Variants in COL18A1 observed in about 807,000 individuals in gnomAD.
COL18A1 encodes collagen alpha-1(XVIII) chain.
COL18A1 carries 133 observed loss-of-function variants against 168.0 expected under a neutral mutation model. The ratio of observed to expected loss-of-function variants is 0.79; its 90% confidence interval spans 0.69 to 0.91. The LOEUF (loss-of-function observed/expected upper bound fraction) is 0.91. COL18A1 is among the 40% of genes least tolerant of loss of function. The pLI is 0.00. For synonymous variants in COL18A1, 949 were observed against 809.0 expected (o/e 1.17, Z -2.94); for missense variants, 2,126 against 1,925.4 (o/e 1.10, Z -1.95).
chr21:45,510,998 ACACACCCCCCCCCCACACATC>A, intron 40 of COL18A1, 92 bp from the exon 41 acceptor site: 2 of 20,164 alleles, frequency 9.9e-5, no homozygotes, highest in Non-Finnish European at 2.1e-4. Context: ...CACACACACA[ACACACCCCCCCCCCACACATC>A]CACACCCCAC....
rs755035905 is a variant in COL18A1, at chr21:45,512,173, C to T, written c.3810-15C>T. 20 of 1,606,976 alleles carry T rather than the reference C, an allele frequency of 1.2e-5. No individual in the cohort carries two copies. Among genetic ancestry groups the T allele is most frequent in the East Asian group, 6.7e-5 (3 of 44,446 alleles). ...GCAGGTCTGGGTTTGACTGACGGCC[C>T]GGCGCGTCTTACAGGCCCCAGAAGA... is the stretch of plus-strand genomic sequence containing the variant. On this transcript the variant is annotated splice_polypyrimidine_tract_variant and intron_variant, in intron 41 of 41. Transcript: ENST00000651438.
At chr21:45,476,588 G>A in intron 6 of COL18A1, 108 bp downstream of exon 6, 2 of 1,371,580 alleles carry the variant, frequency 1.5e-6, no homozygotes, top group Non-Finnish European at 2.0e-6. Flanking sequence ...TGTGTGTAGT[G>A]TGTGGTGTAT....
chr21:45,497,909 G>A (rs887026214), intron 32 of COL18A1: 37 of 610,702 alleles, frequency 6.1e-5, no homozygotes, highest in African/African-American at 3.5e-4. Flanking sequence ...GGAGCAGATG[G>A]CTGCCCTTCC....
chr21:45,493,008 G>T (rs1453951340), intron 24 of COL18A1, among the ~76,000 whole-genome samples, 155 bp from the exon 25 acceptor site: 1 of 152,038 alleles, frequency 6.6e-6, no homozygotes, highest in Non-Finnish European at 1.5e-5. Flanking sequence ...GCGGAGGCCT[G>T]CAGTGTCCAG....
At chr21:45,508,290 A>G (rs1237805858) in intron 38 of COL18A1, among the ~76,000 whole-genome samples, 3 of 113,736 alleles carry the variant, frequency 2.6e-5, no homozygotes, top group African/African-American at 1.1e-4. Flanking sequence ...GTAGATGGGG[A>G]GGTGGATGGG....
At chr21:45,434,418 G>A (rs913591542) in intron 2 of COL18A1, among the ~76,000 whole-genome samples, 2 of 152,196 alleles carry the variant, frequency 1.3e-5, no homozygotes, top group Admixed American at 6.5e-5. Flanking sequence ...CCAGGTGAGA[G>A]AGTCTGTGCA....
At position 45,480,035 on chromosome 21, in the gene COL18A1, G is replaced by A. The variant is rs780556790; in HGVS notation, c.1312-35G>A. The stretch of plus-strand genomic sequence containing the variant: ...GGCTCAAGGTGGGGGCTGTGTGCGT[G>A]CCCAGGGTATGATAGGCTTGTCTTG... On this transcript the variant is annotated intron_variant, in intron 10 of 41. Coordinates refer to ENST00000651438, the MANE Select transcript of COL18A1 (RefSeq NM_001379500.1). 8 of 1,611,148 alleles carry A rather than the reference G, an allele frequency of 5.0e-6. No individual in the cohort carries two copies. In the East Asian group the frequency reaches 1.6e-4, roughly 31 times the overall value.
chr21:45,422,353 G>A (rs2033652313), intron 2 of COL18A1: 3 of 430,698 alleles, frequency 7.0e-6, no homozygotes, highest in South Asian at 3.6e-5. Flanking sequence ...CCTGGGCTTG[G>A]TGGGCAGGCA....
At position 45,503,811 on chromosome 21, in the gene COL18A1, AAAAT is replaced by A. The variant is rs553660816; in HGVS notation, c.2684-196_2684-193del. 8.4e-4 allele frequency: 297 copies of A among 351,850 alleles called. 1 individual carries two copies. Among genetic ancestry groups the A allele is most frequent in the African/African-American group, 5.7e-3 (268 of 46,644 alleles). 21.8% of individuals were successfully genotyped at this position (351,850 alleles called of 1,614,324 possible). ...TAATAAATTTAAAAAATTTAAAAAT[AAAAT>A]AAAAATAAAAAGGCACCATTAACAA... is the stretch of plus-strand genomic sequence containing the variant. On this transcript the variant is annotated intron_variant, in intron 32 of 41. Coordinates refer to ENST00000651438, the MANE Select transcript of COL18A1 (RefSeq NM_001379500.1).
chr21:45,428,630 G>A (rs150820186), intron 2 of COL18A1, among the ~76,000 whole-genome samples: 3 of 152,270 alleles, frequency 2.0e-5, no homozygotes, highest in African/African-American at 7.2e-5. Flanking sequence ...CGCAGCCACC[G>A]CCCGGCCCCA....
rs1352397245 is a variant in COL18A1, at chr21:45,498,774, G to A, written c.2683+1113G>A. ...GGCCAGTGACACACCAGACCAGGAGGCCCAGCTCATGGGGTCATCGGACCC... is the reference window on the plus strand; with the variant it reads ...GGCCAGTGACACACCAGACCAGGAGACCCAGCTCATGGGGTCATCGGACCC... On this transcript the variant is annotated intron_variant, in intron 32 of 41. Coordinates refer to ENST00000651438, the MANE Select transcript of COL18A1 (RefSeq NM_001379500.1). The surrounding 1 kb of genome is among the most constrained non-coding windows in gnomAD (Gnocchi z 4.5). Among the ~76,000 whole-genome samples the A allele has an allele frequency of 2.0e-5, 3 of 152,222 alleles. No individual in the cohort carries two copies. The highest frequency in any genetic ancestry group is 4.4e-5 in the Non-Finnish European group (3 of 68,052).
chr21:45,454,520 CGT>C (rs1569297903), intron 2 of COL18A1, among the ~76,000 whole-genome samples: 1 of 152,156 alleles, frequency 6.6e-6, no homozygotes, highest in Non-Finnish European at 1.5e-5. Flanking sequence ...CATGTGTGAA[CGT>C]GTGTGTGAGT....
chr21:45,418,872 C>T (rs1046632502), intron 2 of COL18A1, among the ~76,000 whole-genome samples: 1 of 152,226 alleles, frequency 6.6e-6, no homozygotes, highest in Non-Finnish European at 1.5e-5. Context: ...TCTAGAGGGG[C>T]TTGTGTCATG....
In COL18A1 at chr21:45,473,998, G is replaced by A; in HGVS notation, c.738+17G>A. The A allele has an allele frequency of 6.4e-7, 1 of 1,565,912 alleles. No homozygotes were observed. Among genetic ancestry groups the A allele is most frequent in the Non-Finnish European group, 8.7e-7 (1 of 1,152,780 alleles). On this transcript the variant is annotated intron_variant, in intron 4 of 41. Transcript: ENST00000651438. The surrounding 1 kb of genome is among the most constrained non-coding windows in gnomAD (Gnocchi z 4.0). Reference sequence around the variant, plus strand: ...TCAGATGGGGTGAGTGACATCTGGGGCACGGGTGGGGTCTCCCCTCAATCC... The same window carrying A: ...TCAGATGGGGTGAGTGACATCTGGGACACGGGTGGGGTCTCCCCTCAATCC...
At chr21:45,415,687 T>C (rs1318208141) in intron 2 of COL18A1, among the ~76,000 whole-genome samples, 1 of 152,184 alleles carries the variant, frequency 6.6e-6, no homozygotes, top group African/African-American at 2.4e-5. Context: ...GGTTCACGCC[T>C]TGCCTGGCCT....
At chr21:45,482,161 C>T in intron 14 of COL18A1, 136 bp downstream of exon 14, 2 of 710,608 alleles carry the variant, frequency 2.8e-6, no homozygotes, top group South Asian at 1.6e-5. Context: ...AGCCTGGGGC[C>T]TCGCGCTCTG....
chr21:45,436,667 G>C (rs1189115872), intron 2 of COL18A1, among the ~76,000 whole-genome samples: 6 of 151,236 alleles, frequency 4.0e-5, no homozygotes, highest in Non-Finnish European at 7.4e-5. Flanking sequence ...GAGGCTGGGG[G>C]AGGGGGTCTG....
In COL18A1 at chr21:45,490,850, C is replaced by T. The variant is rs2036312514; in HGVS notation, c.2046C>T (p.Asp682=). The T allele has an allele frequency of 6.5e-7, 1 of 1,550,112 alleles. No individual in the cohort carries two copies. Among genetic ancestry groups the T allele is most frequent in the Non-Finnish European group, 8.7e-7 (1 of 1,146,830 alleles). ...GIAGPQGPKG[D]RGSRGEKGDP... ...TGTCTCTCCAGGGGCCAAAGGGAGA[C>T]AGAGGCAGCCGGGGAGAAAAGGTGA... Residue 682 remains aspartate (D), a synonymous_variant, in exon 21 of 42, where the codon GAC becomes GAT. Transcript: ENST00000651438.
At chr21:45,504,345 G>A (rs547167705) in intron 33 of COL18A1, 71 bp from the exon 34 acceptor site, 235 of 1,501,636 alleles carry the variant, frequency 1.6e-4, no homozygotes, top group African/African-American at 7.0e-4. Context: ...GCCCTGGCTC[G>A]GGGGGATGGG....
Sources: gnomAD v4.1 joint callset for allele counts (sites outside exome capture counted in the v4.1 genomes callset) on GRCh38, gnomAD v4.1.1 for gene constraint, Gnocchi (gnomAD v3.1) non-coding constraint, MANE v1.5 for transcripts, NCBI Gene and HGNC (gene_info 2026-07-23, HGNC 2026-07-21) for gene names.